The following ARIH2 variants were observed in gnomAD, a reference collection of about 807,000 sequenced individuals.
ARIH2 encodes the protein E3 ubiquitin-protein ligase ARIH2.
In ARIH2, 12 loss-of-function variants were observed where a neutral mutation model predicts 79.8. The observed-to-expected ratio is 0.15, with a 90% CI of 0.10 to 0.24. The LOEUF (loss-of-function observed/expected upper bound fraction) is 0.24. Ranked by LOEUF, ARIH2 falls within the 10% of genes least tolerant of loss-of-function variation. The pLI is 1.00. For synonymous variants in ARIH2, 224 were observed against 213.9 expected (o/e 1.05, Z -0.41); for missense variants, 301 against 618.3 (o/e 0.49, Z 5.44).
At chr3:48,919,132 G>T (rs1383108851) in intron 1 of ARIH2, 134 bp downstream of exon 1, 9 of 1,301,080 alleles carry the variant, frequency 6.9e-6, no homozygotes, top group East Asian at 5.9e-5. Context: ...CCCCGTCGCC[G>T]GCACGTTGTC....
intron 3 of ARIH2, among the ~76,000 whole-genome samples, chr3:48,936,781 G>C (rs1394581667): frequency 1.3e-5 from 2 of 150,356 alleles, no homozygotes; most frequent in Admixed American, 6.7e-5. Context: ...TGTAATCCCA[G>C]CATTTTGAGA....
intron 3 of ARIH2, among the ~76,000 whole-genome samples, chr3:48,931,787 CAGGTGGATCACG>C (rs1456785787): frequency 6.6e-6 from 1 of 152,030 alleles, no homozygotes; most frequent in Non-Finnish European, 1.5e-5. Context: ...GAGGCCAAGG[CAGGTGGATCACG>C]AGGTCAGGAG....
At chr3:48,971,605 A>G (rs2092242201) in intron 8 of ARIH2, among the ~76,000 whole-genome samples, 2 of 152,232 alleles carry the variant, frequency 1.3e-5, no homozygotes, top group Non-Finnish European at 2.9e-5. Flanking sequence ...TCGTAGAGCC[A>G]TAATTTAGGC....
chr3:48,936,570 T>G (rs557145912), intron 3 of ARIH2, among the ~76,000 whole-genome samples: 1 of 151,672 alleles, frequency 6.6e-6, no homozygotes, highest in Non-Finnish European at 1.5e-5. Flanking sequence ...CTGTCTCTAC[T>G]AAATATACAA....
chr3:48,924,364 A>G (rs1268612850), intron 2 of ARIH2, among the ~76,000 whole-genome samples: 1 of 151,026 alleles, frequency 6.6e-6, no homozygotes, highest in Admixed American at 6.6e-5. Context: ...TATTATTATT[A>G]TTATTATTAT....
intron 14 of ARIH2, 160 bp from the exon 15 acceptor site, chr3:48,982,736 T>C: frequency 3.3e-6 from 2 of 607,482 alleles, no homozygotes; most frequent in Non-Finnish European, 5.9e-6. Context: ...GTTTGGATTC[T>C]GGCTCTGGGC....
intron 3 of ARIH2, among the ~76,000 whole-genome samples, chr3:48,959,579 G>A (rs2091015754): frequency 2.1e-5 from 3 of 145,668 alleles, no homozygotes; most frequent in East Asian, 2.0e-4. Flanking sequence ...CGAGGCGGGC[G>A]GATCACGAGG....
intron 2 of ARIH2, among the ~76,000 whole-genome samples, chr3:48,923,253 T>C (rs915207960): frequency 6.6e-6 from 1 of 151,520 alleles, no homozygotes; most frequent in Non-Finnish European, 1.5e-5. Context: ...CAAAAAAAAT[T>C]AGCTGGGCAT....
chr3:48,961,763 C>G, intron 4 of ARIH2, 84 bp downstream of exon 4: 1 of 878,034 alleles, frequency 1.1e-6, no homozygotes, highest in East Asian at 2.4e-5. Flanking sequence ...GGACCATATT[C>G]GACTATATTC....
chr3:48,948,965 C>A, intron 3 of ARIH2: 4 of 411,228 alleles, frequency 9.7e-6, no homozygotes, highest in South Asian at 6.8e-5. Flanking sequence ...AGTTGAGGGA[C>A]ATTGGGTTGT....
chr3:48,973,393 C>T (rs961923621), intron 8 of ARIH2, among the ~76,000 whole-genome samples: 19 of 152,006 alleles, frequency 1.2e-4, no homozygotes, highest in Non-Finnish European at 2.1e-4. Flanking sequence ...CTGGCTAACA[C>T]GGTGAAACCC....
intron 1 of ARIH2, among the ~76,000 whole-genome samples, chr3:48,922,119 A>G (rs1186235576): frequency 1.3e-5 from 2 of 152,096 alleles, no homozygotes; most frequent in Non-Finnish European, 2.9e-5. Context: ...GGACAGAAAT[A>G]CTGGAGTAAA....
In ARIH2 at chr3:48,948,705, T is replaced by C. The variant is rs185653622; in HGVS notation, c.256-12907T>C. ...TTCATCACCTAAAAAATTCCCGTGT[T>C]CATTTATAGTTGATCCCTGTTCCCA... On this transcript the variant is annotated intron_variant, in intron 3 of 15. Transcript: ENST00000356401. Among the ~76,000 whole-genome samples the C allele has an allele frequency of 9.2e-5, 14 of 152,372 alleles. No homozygotes were observed. The East Asian group carries it at 2.7e-3, about 29-fold the overall frequency.
At chr3:48,970,760 C>A in intron 8 of ARIH2, 56 bp downstream of exon 8, 1 of 1,366,246 alleles carries the variant, frequency 7.3e-7, no homozygotes, top group Non-Finnish European at 1.0e-6. Flanking sequence ...TCCTCCAAAG[C>A]ACCACTGCTG....
intron 3 of ARIH2, among the ~76,000 whole-genome samples, chr3:48,948,332 G>A (rs952627522): frequency 1.3e-5 from 2 of 151,500 alleles, no homozygotes; most frequent in Admixed American, 6.6e-5. Flanking sequence ...GCAATGGCGC[G>A]ATCTCGGCTC....
At chr3:48,958,434 G>C (rs371012936) in intron 3 of ARIH2, among the ~76,000 whole-genome samples, 33 of 152,210 alleles carry the variant, frequency 2.2e-4, no homozygotes, top group African/African-American at 7.7e-4. Flanking sequence ...TAGATAGGCC[G>C]GGCACGGTGG....
chr3:48,943,437 A>T (rs758577563), intron 3 of ARIH2: 1 of 151,756 alleles, frequency 6.6e-6, no homozygotes, highest in Non-Finnish European at 1.5e-5. Flanking sequence ...GGGCACCTTC[A>T]TACGCTCTTG....
chr3:48,967,360 T>A, intron 6 of ARIH2, 85 bp downstream of exon 6: 2 of 1,440,816 alleles, frequency 1.4e-6, no homozygotes, highest in Non-Finnish European at 1.9e-6. Context: ...GTAAACTGAG[T>A]ATTTTCTTCT....
intron 3 of ARIH2, among the ~76,000 whole-genome samples, chr3:48,950,204 G>A (rs1355220983): frequency 6.6e-6 from 1 of 152,026 alleles, no homozygotes; most frequent in East Asian, 1.9e-4. Context: ...TTTCTCCATT[G>A]AATTACATTG....
Sources: allele counts gnomAD v4.1 joint callset (sites outside exome capture counted in the v4.1 genomes callset), GRCh38; gene constraint gnomAD v4.1.1; transcripts MANE v1.5; gene names NCBI Gene and HGNC (gene_info 2026-07-23, HGNC 2026-07-21).